UTP20: variants seen among roughly 807,000 people sequenced by gnomAD.
UTP20 encodes UTP20 small subunit processome component, also known as small subunit processome component 20 homolog.
UTP20 carries 164 observed loss-of-function variants against 329.5 expected under a neutral mutation model. That is an observed-to-expected ratio of 0.50 (90% CI 0.44 to 0.57). The LOEUF (loss-of-function observed/expected upper bound fraction) is 0.57. Among genes scored for constraint, UTP20 ranks in the 20% least tolerant of loss-of-function variants. UTP20 has a pLI of 0.00. For missense variants in UTP20, 3,055 were observed against 3,284.2 expected, an observed-to-expected ratio of 0.93 and a Z score of 1.71; for synonymous variants, 1,151 against 1,159.3, an observed-to-expected ratio of 0.99 and a Z score of 0.14.
In UTP20 at chr12:101,291,881, T is replaced by C. The variant is rs765207753; in HGVS notation, c.1031T>C (p.Val344Ala). 1 of 1,611,562 alleles carries C rather than the reference T, an allele frequency of 6.2e-7. No homozygotes were observed. Among genetic ancestry groups the C allele is most frequent in the Admixed American group, 1.7e-5 (1 of 59,478 alleles). The change falls in exon 9 of 62, where the codon GTC becomes GCC. Residue 344 changes from valine to alanine, a missense_variant. Physicochemically the swap from Val to Ala is moderately conservative, Grantham distance 64. Coordinates refer to ENST00000261637, the MANE Select transcript of UTP20 (RefSeq NM_014503.3). ...ACAAAGATACCCACGCCTGCTGATG[T>C]CTGTAAGGTGAGTTCCCAACTTAAT... is the stretch of plus-strand genomic sequence containing the variant. The part of the protein sequence containing the change: ...SGTKIPTPAD[V>A]CKVLSQTLQV...
intron 19 of UTP20, among the ~76,000 whole-genome samples, chr12:101,310,595 A>AAAAAAAAAAACAAAAAAAAAAAAAAAG (rs1330692306): frequency 8.2e-6 from 1 of 121,656 alleles, no homozygotes; most frequent in Non-Finnish European, 2.0e-5. Context: ...AAAAAAAAAA[A>AAAAAAAAAAACAAAAAAAAAAAAAAAG]AAATACATGT....
chr12:101,320,528 C>G (rs986975549), intron 23 of UTP20, among the ~76,000 whole-genome samples: 4 of 151,446 alleles, frequency 2.6e-5, no homozygotes, highest in Non-Finnish European at 4.4e-5. Context: ...TGCACTCCAG[C>G]CTGGAAAACA....
intron 25 of UTP20, among the ~76,000 whole-genome samples, chr12:101,323,049 A>G (rs1046137901): frequency 1.3e-5 from 2 of 152,242 alleles, no homozygotes; most frequent in Non-Finnish European, 2.9e-5. Flanking sequence ...CTACCAAAAA[A>G]CATCTAAATA....
Position 101,346,530 on chromosome 12 carries a change from T to C in UTP20, c.4826T>C (p.Leu1609Pro), listed in dbSNP as rs1423116818. The change falls in exon 38 of 62, where the codon CTT becomes CCT. Residue 1609 changes from leucine (L) to proline (P), a missense_variant. Coordinates refer to ENST00000261637, the MANE Select transcript of UTP20 (RefSeq NM_014503.3). ...EGKVVLSSKS[L>P]QNYIMPYAMT... ...AAAGTTGTTCTGTCTTCTAAATCTC[T>C]TCAGAATTACATCATGCCTTATGCC... 5 of 1,609,948 alleles carry C rather than the reference T, an allele frequency of 3.1e-6. No individual in the cohort carries two copies. In the African/African-American group the frequency reaches 4.0e-5, roughly 13 times the overall value.
rs1872423396 is a variant in UTP20, at chr12:101,298,293, C to G, written c.1431-1389C>G. On this transcript the variant is annotated intron_variant, in intron 12 of 61. Coordinates refer to ENST00000261637, the MANE Select transcript of UTP20 (RefSeq NM_014503.3). ...AGATCCTGATCGTGATAAAAGAAGA[C>G]AAAGCAGTGTTGAGAGGGAGACTGA... Among the ~76,000 whole-genome samples the G allele has an allele frequency of 2.6e-5, 4 of 152,006 alleles. No individual in the cohort carries two copies. In the South Asian group the frequency reaches 6.2e-4, roughly 24 times the overall value.
intron 51 of UTP20, among the ~76,000 whole-genome samples, chr12:101,372,645 G>A (rs1416965292): frequency 1.3e-5 from 2 of 152,246 alleles, no homozygotes; most frequent in Non-Finnish European, 2.9e-5. Context: ...GCCAGTGGCA[G>A]GCCAGGGCTT....
chr12:101,365,770 C>T, intron 46 of UTP20, 145 bp downstream of exon 46: 1 of 565,360 alleles, frequency 1.8e-6, no homozygotes, highest in Non-Finnish European at 2.7e-6. Flanking sequence ...TGATACATTT[C>T]AACATGAGAT....
intron 35 of UTP20, 23 bp from the exon 36 acceptor site, chr12:101,344,571 CT>C: frequency 1.1e-6 from 1 of 893,568 alleles, no homozygotes; most frequent in Non-Finnish European, 1.9e-6. Flanking sequence ...AGAATAATTT[CT>C]TTTTTATTTC....
intron 19 of UTP20, among the ~76,000 whole-genome samples, chr12:101,310,836 T>A (rs998234674): frequency 3.9e-5 from 6 of 152,198 alleles, no homozygotes; most frequent in African/African-American, 9.7e-5. Flanking sequence ...TACCTTTTAC[T>A]ACAATTTGTC....
intron 56 of UTP20, among the ~76,000 whole-genome samples, chr12:101,376,622 T>C (rs766058528): frequency 4.6e-5 from 7 of 152,076 alleles, no homozygotes; most frequent in Non-Finnish European, 1.0e-4. Context: ...CAAACTGTTT[T>C]ATAATCTTAT....
At chr12:101,364,811 C>G (rs754660689) in intron 45 of UTP20, among the ~76,000 whole-genome samples, 2 of 152,108 alleles carry the variant, frequency 1.3e-5, no homozygotes, top group Non-Finnish European at 2.9e-5. Flanking sequence ...ATGTTAGATG[C>G]ATTTTCAGGA....
At chr12:101,375,597 A>G in intron 55 of UTP20, 27 bp from the exon 56 acceptor site, 1 of 1,605,412 alleles carries the variant, frequency 6.2e-7, no homozygotes, top group South Asian at 1.1e-5. Context: ...TGTTGTTTTC[A>G]TTGATTTACA....
Position 101,383,607 on chromosome 12 carries a change from C to T in UTP20, c.7994C>T (p.Pro2665Leu), listed in dbSNP as rs770832540. The T allele has an allele frequency of 1.1e-5, 17 of 1,613,690 alleles. No homozygotes were observed. The highest frequency in any genetic ancestry group is 2.2e-5 in the East Asian group (1 of 44,868). The stretch of plus-strand genomic sequence containing the variant: ...GATCTTGGGATAGACAAGGTAAAGC[C>T]GTATCTCCCAATGATCATAGCTCCT... The part of the protein sequence containing the change: ...AMDLGIDKVK[P>L]YLPMIIAPLF... Residue 2665 changes from proline to leucine, a missense_variant, in exon 60 of 62, where the codon CCG becomes CTG. This residue lies in a region of UTP20 where 337 missense variants were observed against 345.5 expected (regional missense o/e 0.98). Coordinates refer to ENST00000261637, the MANE Select transcript of UTP20 (RefSeq NM_014503.3).
chr12:101,343,156 T>C (rs952630658), intron 35 of UTP20, 63 bp downstream of exon 35: 15 of 1,171,768 alleles, frequency 1.3e-5, no homozygotes, highest in Non-Finnish European at 1.5e-5. Flanking sequence ...GGCTGCCTAA[T>C]ACAGTGACCT....
chr12:101,293,619 T>C (rs903506779), intron 11 of UTP20, among the ~76,000 whole-genome samples: 2 of 152,194 alleles, frequency 1.3e-5, no homozygotes, highest in African/African-American at 4.8e-5. Flanking sequence ...CCTGAATTTA[T>C]TTTATTTTTT....
Position 101,319,557 on chromosome 12 carries a change from T to C in UTP20, c.2751T>C (p.Ala917=), listed in dbSNP as rs1873080794. ...TRRAAAKQLI[A]HLQVFSKFSN... is the part of the protein sequence containing the mutation. ...TGTTTTTGTTTAGGCAATTAATTGC[T>C]CATTTGCAAGTTTTCTCTAAATTTT... The change falls in exon 23 of 62, where the codon GCT becomes GCC. Residue 917 remains alanine (A), a synonymous_variant. Coordinates refer to ENST00000261637, the MANE Select transcript of UTP20 (RefSeq NM_014503.3). 1.0e-5 allele frequency: 16 copies of C among 1,605,090 alleles called. No homozygotes were observed. Among genetic ancestry groups the C allele is most frequent in the Non-Finnish European group, 1.4e-5 (16 of 1,178,544 alleles).
intron 10 of UTP20, 48 bp from the exon 11 acceptor site, chr12:101,293,120 A>T: frequency 2.5e-6 from 4 of 1,577,562 alleles, no homozygotes; most frequent in Non-Finnish European, 3.5e-6. Context: ...GGGGATGGGG[A>T]AAATACTCTC....
At chr12:101,306,785 A>G (rs1190222224) in intron 17 of UTP20, 24 bp downstream of exon 17, 5 of 1,572,230 alleles carry the variant, frequency 3.2e-6, no homozygotes, top group Non-Finnish European at 4.3e-6. Context: ...TTGAGTGGAT[A>G]GGTTTTAAAA....
chr12:101,378,176 C>T (rs1593456188), intron 56 of UTP20, among the ~76,000 whole-genome samples: 1 of 152,204 alleles, frequency 6.6e-6, no homozygotes, highest in African/African-American at 2.4e-5. Flanking sequence ...CCTGTTATAG[C>T]TTAGCATGTC....
Sources: allele counts gnomAD v4.1 joint callset (sites outside exome capture counted in the v4.1 genomes callset), GRCh38; gene constraint gnomAD v4.1.1; regional missense constraint gnomAD v4.1.1; transcripts MANE v1.5; gene names NCBI Gene and HGNC (gene_info 2026-07-23, HGNC 2026-07-21).